Variants in MATN2 observed in about 807,000 individuals in gnomAD.
The protein encoded by MATN2 is matrilin 2.
Under a neutral mutation model 103.2 loss-of-function variants are expected in MATN2, and 69 were observed. That is an observed-to-expected ratio of 0.67 (90% CI 0.55 to 0.82). The LOEUF (loss-of-function observed/expected upper bound fraction) is 0.82. Ranked by LOEUF, MATN2 falls within the 40% of genes least tolerant of loss-of-function variation. MATN2 has a pLI of 0.00. For synonymous variants in MATN2, 429 were observed against 450.2 expected (o/e 0.95, Z 0.60); for missense variants, 1,023 against 1,211.5 (o/e 0.84, Z 2.31).
At chr8:97,978,257 CAAATG>C (rs964275365) in intron 5 of MATN2, among the ~76,000 whole-genome samples, 3 of 152,116 alleles carry the variant, frequency 2.0e-5, no homozygotes, top group Admixed American at 6.5e-5. Context: ...ACTAATGAAA[CAAATG>C]AAATATTTGT....
At chr8:97,924,728 T>G (rs1475364496) in intron 2 of MATN2, among the ~76,000 whole-genome samples, 1 of 151,892 alleles carries the variant, frequency 6.6e-6, no homozygotes, top group African/African-American at 2.4e-5. Context: ...TAAGTGTTTT[T>G]TTTTTTTTTT....
chr8:97,927,098 T>C (rs577208650), intron 2 of MATN2, among the ~76,000 whole-genome samples: 1 of 151,956 alleles, frequency 6.6e-6, no homozygotes, highest in East Asian at 1.9e-4. Flanking sequence ...GGGGTTGTGG[T>C]GCACTGGTCT....
rs1201247978 is a variant in MATN2, at chr8:98,005,369, G to GT, written c.1327+1587dup. Among the ~76,000 whole-genome samples, 2 of 152,200 alleles carry GT rather than the reference G, an allele frequency of 1.3e-5. No individual in the cohort carries two copies. Among genetic ancestry groups the GT allele is most frequent in the African/African-American group, 4.8e-5 (2 of 41,454 alleles). The stretch of plus-strand genomic sequence containing the variant: ...GATGCCCTGGTGACCATGGATCTGT[G>GT]TGTATCCTGCCTGTTTCCCGGAGTG... On this transcript the variant is annotated intron_variant, in intron 8 of 18. Transcript: ENST00000254898. The surrounding 1 kb of genome is among the most constrained non-coding windows in gnomAD (Gnocchi z 4.6).
At chr8:97,907,215 G>T (rs1421509409) in intron 2 of MATN2, among the ~76,000 whole-genome samples, 1 of 151,586 alleles carries the variant, frequency 6.6e-6, no homozygotes, top group Non-Finnish European at 1.5e-5. Context: ...TGGCCAGGCT[G>T]ATCTCGATCT....
At chr8:97,976,664 A>AG (rs1811845815) in intron 5 of MATN2, among the ~76,000 whole-genome samples, 1 of 151,780 alleles carries the variant, frequency 6.6e-6, no homozygotes, top group African/African-American at 2.4e-5. Context: ...TTTTTTGAAA[A>AG]GGGACTGGTC....
intron 15 of MATN2, chr8:98,031,345 GA>G (rs1018413054): frequency 1.4e-4 from 19 of 139,588 alleles, no homozygotes; most frequent in Admixed American, 9.3e-4. Flanking sequence ...CTCAAAAAAA[GA>G]AAAAAAAAAG....
intron 2 of MATN2, among the ~76,000 whole-genome samples, chr8:97,895,449 G>A (rs1586387178): frequency 6.6e-6 from 1 of 152,258 alleles, no homozygotes; most frequent in East Asian, 1.9e-4. Context: ...CCCCAGACAA[G>A]ACCCATTCTC....
intron 2 of MATN2, among the ~76,000 whole-genome samples, chr8:97,925,613 G>A (rs541865698): frequency 6.6e-6 from 1 of 152,226 alleles, no homozygotes; most frequent in East Asian, 1.9e-4. Context: ...TATAAATTAC[G>A]ATTATTTTCT....
intron 5 of MATN2, among the ~76,000 whole-genome samples, chr8:97,972,325 T>A (rs1424619647): frequency 1.6e-5 from 2 of 125,468 alleles, no homozygotes; most frequent in African/African-American, 6.0e-5. Context: ...GGCGACAGAA[T>A]GAGACCCTGT....
At chr8:97,874,111 C>T (rs567244222) in intron 1 of MATN2, among the ~76,000 whole-genome samples, 77 of 152,348 alleles carry the variant, frequency 5.1e-4, no homozygotes, top group African/African-American at 1.7e-3. Flanking sequence ...GATTCCCAGA[C>T]GGTGTCTGTA....
chr8:97,902,478 C>A (rs1313718783), intron 2 of MATN2, among the ~76,000 whole-genome samples: 1 of 132,300 alleles, frequency 7.6e-6, no homozygotes, highest in African/African-American at 2.8e-5. Context: ...GCCCAGGCAA[C>A]AAGAACGAAA....
intron 2 of MATN2, among the ~76,000 whole-genome samples, chr8:97,888,548 G>A (rs1041254699): frequency 5.9e-5 from 9 of 152,148 alleles, no homozygotes; most frequent in African/African-American, 1.9e-4. Context: ...CTGAGCAAAG[G>A]TGTTATGAAA....
chr8:98,019,258 A>G (rs1291552132), intron 12 of MATN2, among the ~76,000 whole-genome samples: 2 of 151,906 alleles, frequency 1.3e-5, no homozygotes, highest in African/African-American at 2.4e-5. Flanking sequence ...GAGGGAGGAA[A>G]AGATTGGTTG....
At position 97,941,915 on chromosome 8, in the gene MATN2, T is replaced by G; in HGVS notation, c.835+16T>G. On this transcript the variant is annotated intron_variant, in intron 4 of 18. Coordinates refer to ENST00000254898, the MANE Select transcript of MATN2 (RefSeq NM_002380.5). ...ACTTGCAGAAGTAAGATTGCTTTGC[T>G]GATGTATTTGTGGTTTCTTCCTATT... The G allele has an allele frequency of 1.9e-6, 3 of 1,611,538 alleles. No individual in the cohort carries two copies. The highest frequency in any genetic ancestry group is 2.5e-6 in the Non-Finnish European group (3 of 1,178,302).
At chr8:98,025,885 T>C (rs540082044) in intron 13 of MATN2, 1 of 316,990 alleles carries the variant, frequency 3.2e-6, no homozygotes, top group South Asian at 2.3e-5. Flanking sequence ...CATCTATTAA[T>C]AGTTGCCTGA....
chr8:97,948,032 T>C (rs1563685240), intron 4 of MATN2, among the ~76,000 whole-genome samples: 1 of 152,212 alleles, frequency 6.6e-6, no homozygotes, highest in Non-Finnish European at 1.5e-5. Context: ...CTATCGTTCA[T>C]ATTTTGAATG....
intron 4 of MATN2, among the ~76,000 whole-genome samples, chr8:97,945,736 A>ATATATATATATATAT (rs1810734965): frequency 7.0e-6 from 1 of 143,288 alleles, no homozygotes; most frequent in African/African-American, 2.8e-5. Flanking sequence ...ATATATATAT[A>ATATATATATATATAT]ATCTCCCCAC....
At chr8:97,875,369 A>G (rs186174108) in intron 1 of MATN2, among the ~76,000 whole-genome samples, 13 of 152,280 alleles carry the variant, frequency 8.5e-5, no homozygotes, top group African/African-American at 3.1e-4. Flanking sequence ...TGGTGGAAGG[A>G]TCTGAGGGCA....
At chr8:98,002,920 T>G (rs1812833262) in intron 7 of MATN2, among the ~76,000 whole-genome samples, 1 of 152,126 alleles carries the variant, frequency 6.6e-6, no homozygotes, top group South Asian at 2.1e-4. Context: ...GAGCCTTCAC[T>G]GATCCATCCT....
Sources: allele counts gnomAD v4.1 joint callset (sites outside exome capture counted in the v4.1 genomes callset), GRCh38; gene constraint gnomAD v4.1.1; non-coding constraint Gnocchi (gnomAD v3.1); transcripts MANE v1.5; gene names NCBI Gene and HGNC (gene_info 2026-07-23, HGNC 2026-07-21).